Variants in AGAP1 observed in about 807,000 individuals in gnomAD.
AGAP1 encodes arf-GAP with GTPase, ANK repeat and PH domain-containing protein 1.
A neutral mutation model predicts 105.3 loss-of-function variants in AGAP1; 29 were observed. That is an observed-to-expected ratio of 0.28 (90% CI 0.21 to 0.38). The LOEUF (loss-of-function observed/expected upper bound fraction) is 0.38. Ranked by LOEUF, AGAP1 falls within the 10% of genes least tolerant of loss-of-function variation. The pLI is 1.00. For synonymous variants in AGAP1, 509 were observed against 485.9 expected (o/e 1.05, Z -0.63); for missense variants, 998 against 1,165.1 (o/e 0.86, Z 2.09).
intron 16 of AGAP1, among the ~76,000 whole-genome samples, chr2:236,064,550 C>T (rs970939332): frequency 2.0e-5 from 3 of 152,182 alleles, no homozygotes; most frequent in Admixed American, 1.3e-4. Context: ...GAGCTGAGAT[C>T]GTGCCACTGC....
At chr2:235,704,967 TTC>T (rs1559373804) in intron 1 of AGAP1, among the ~76,000 whole-genome samples, 2 of 54,510 alleles carry the variant, frequency 3.7e-5, no homozygotes, top group African/African-American at 1.1e-4. Flanking sequence ...AGATGCTTTT[TTC>T]TTTTTTTTTT....
At position 235,494,668 on chromosome 2, in the gene AGAP1, C is replaced by G. The variant is rs750610364; in HGVS notation, c.-19C>G. The G allele has an allele frequency of 6.2e-4, 757 of 1,214,934 alleles. No homozygotes were observed. Among genetic ancestry groups the G allele is most frequent in the Non-Finnish European group, 7.2e-4 (686 of 951,468 alleles). 75.3% of individuals were successfully genotyped at this position (1,214,934 alleles called of 1,614,324 possible). On this transcript the variant is annotated 5_prime_UTR_variant, in exon 1 of 18. Coordinates refer to ENST00000304032, the MANE Select transcript of AGAP1 (RefSeq NM_001037131.3). Reference sequence around the variant, plus strand: ...GGCGGCGGCGGGGGGCGCGCGGCTCCGGGCGCGGCGCCTGCACCATGAACT... The same window carrying G: ...GGCGGCGGCGGGGGGCGCGCGGCTCGGGGCGCGGCGCCTGCACCATGAACT...
At chr2:235,606,859 G>A (rs1250269509) in intron 1 of AGAP1, among the ~76,000 whole-genome samples, 1 of 151,462 alleles carries the variant, frequency 6.6e-6, no homozygotes, top group Admixed American at 6.6e-5. Context: ...TGAGGCAGGG[G>A]GATCGCTTGA....
At chr2:235,590,362 C>T (rs1416348168) in intron 1 of AGAP1, among the ~76,000 whole-genome samples, 1 of 152,134 alleles carries the variant, frequency 6.6e-6, no homozygotes, top group African/African-American at 2.4e-5. Context: ...TGCCAGATGC[C>T]AAGTTGACCA....
At chr2:235,682,341 T>G (rs1266307027) in intron 1 of AGAP1, among the ~76,000 whole-genome samples, 2 of 151,630 alleles carry the variant, frequency 1.3e-5, no homozygotes, top group African/African-American at 4.8e-5. Context: ...GTGGGGGTTT[T>G]GTTTTGTTTT....
chr2:235,677,562 C>T (rs757605704), intron 1 of AGAP1, among the ~76,000 whole-genome samples: 2 of 152,048 alleles, frequency 1.3e-5, no homozygotes, highest in Non-Finnish European at 1.5e-5. Flanking sequence ...CGTTGTGTGC[C>T]GGGTGTTGTG....
At position 235,872,555 on chromosome 2, in the gene AGAP1, C is replaced by CT. The variant is rs555794136; in HGVS notation, c.1051-10789dup. 9.2e-5 allele frequency among the ~76,000 whole-genome samples: 14 copies of CT among 152,312 alleles called. No homozygotes were observed. In the East Asian group the frequency reaches 2.7e-3, roughly 29 times the overall value. On this transcript the variant is annotated intron_variant, in intron 9 of 17. Coordinates refer to ENST00000304032, the MANE Select transcript of AGAP1 (RefSeq NM_001037131.3). This position sits in a 1 kb window ranked among gnomAD's most constrained non-coding sequence, Gnocchi z 4.5. ...CATCTCAGGCAGAGCCTTCCGGCCTCTGTCATCTTCTGGCCAGTAGGATCA... is the reference window on the plus strand; with the variant it reads ...CATCTCAGGCAGAGCCTTCCGGCCTCTTGTCATCTTCTGGCCAGTAGGATCA...
intron 12 of AGAP1, among the ~76,000 whole-genome samples, chr2:235,941,222 A>G (rs1372817158): frequency 6.6e-6 from 1 of 152,154 alleles, no homozygotes; most frequent in Non-Finnish European, 1.5e-5. Context: ...TAGAGTTGAA[A>G]CTGGTTTTCC....
rs1235754911 is a variant in AGAP1 at position 235,867,430 on chromosome 2, G to T, written c.1051-15915G>T. Among the ~76,000 whole-genome samples the T allele has an allele frequency of 2.0e-5, 3 of 152,152 alleles. No homozygotes were observed. Among genetic ancestry groups the T allele is most frequent in the African/African-American group, 7.2e-5 (3 of 41,444 alleles). On this transcript the variant is annotated intron_variant, in intron 9 of 17. Transcript: ENST00000304032. The surrounding 1 kb of genome is among the most constrained non-coding windows in gnomAD (Gnocchi z 5.4). ...GAGCTTGCCGGCCCCAGTCCCGTAG[G>T]ATCCCCAACGCTAATAGTCTGGATG...
Position 235,772,774 on chromosome 2 carries a change from C to A in AGAP1, c.673+22286C>A, listed in dbSNP as rs113836723. ...TGACCAGCCTTCACATGGAACCAGC[C>A]GCGAGTAGACAGGCAGAGGCCGCCC... On this transcript the variant is annotated intron_variant, in intron 6 of 17. Coordinates refer to ENST00000304032, the MANE Select transcript of AGAP1 (RefSeq NM_001037131.3). 2.3e-3 allele frequency among the ~76,000 whole-genome samples: 354 copies of A among 152,304 alleles called. 1 individual carries two copies. Among genetic ancestry groups the A allele is most frequent in the African/African-American group, 8.1e-3 (335 of 41,568 alleles).
intron 11 of AGAP1, among the ~76,000 whole-genome samples, chr2:235,925,173 C>T (rs957353410): frequency 1.3e-5 from 2 of 152,240 alleles, no homozygotes; most frequent in Non-Finnish European, 2.9e-5. Context: ...TGTATTTGCG[C>T]GTGACTTGAG....
Position 235,830,848 on chromosome 2 carries a change from G to A in AGAP1, c.1050+23517G>A, listed in dbSNP as rs964033398. On this transcript the variant is annotated intron_variant, in intron 9 of 17. Coordinates refer to ENST00000304032, the MANE Select transcript of AGAP1 (RefSeq NM_001037131.3). The surrounding 1 kb of genome is among the most constrained non-coding windows in gnomAD (Gnocchi z 5.5). ...TCAGGTCCACCTGTCGGTAGGCCCA[G>A]TAGTCAACTCCTAACTAATAGAGTA... 6.6e-6 allele frequency among the ~76,000 whole-genome samples: 1 copy of A among 152,194 alleles called. No individual in the cohort carries two copies. Among genetic ancestry groups the A allele is most frequent in the African/African-American group, 2.4e-5 (1 of 41,432 alleles).
chr2:235,799,091 C>G lies in AGAP1; in HGVS notation c.802-276C>G, dbSNP rs1004411776. 1.1e-4 allele frequency among the ~76,000 whole-genome samples: 16 copies of G among 152,194 alleles called. No homozygotes were observed. Among genetic ancestry groups the G allele is most frequent in the South Asian group, 2.1e-4 (1 of 4,814 alleles). Reference sequence around the variant, plus strand: ...GAAAGAGAAAATAATCAAATTTGAACTCTCAGAAATCTTTTAAGTTAAATG... The same window carrying G: ...GAAAGAGAAAATAATCAAATTTGAAGTCTCAGAAATCTTTTAAGTTAAATG... On this transcript the variant is annotated intron_variant, in intron 7 of 17. Transcript: ENST00000304032. The surrounding 1 kb of genome is among the most constrained non-coding windows in gnomAD (Gnocchi z 5.0).
At position 235,665,617 on chromosome 2, in the gene AGAP1, A is replaced by G. The variant is rs1948102042; in HGVS notation, c.164-43562A>G. Among the ~76,000 whole-genome samples the G allele has an allele frequency of 6.6e-6, 1 of 152,210 alleles. No homozygotes were observed. The highest frequency in any genetic ancestry group is 1.5e-5 in the Non-Finnish European group (1 of 68,040). On this transcript the variant is annotated intron_variant, in intron 1 of 17. Transcript: ENST00000304032. The surrounding 1 kb of genome is among the most constrained non-coding windows in gnomAD (Gnocchi z 5.3). The stretch of plus-strand genomic sequence containing the variant: ...TTATGCTAAAAATATAAAAGTATTA[A>G]TAAGACGTTACTGTCTTGGTAATTG...
chr2:235,996,252 C>T (rs548822822), intron 13 of AGAP1, among the ~76,000 whole-genome samples: 4 of 152,336 alleles, frequency 2.6e-5, no homozygotes, highest in Non-Finnish European at 4.4e-5. Context: ...GCAGGGCACC[C>T]GCTTGACACC....
At chr2:235,619,600 G>T (rs868769318) in intron 1 of AGAP1, among the ~76,000 whole-genome samples, 1 of 152,160 alleles carries the variant, frequency 6.6e-6, no homozygotes, top group Admixed American at 6.5e-5. Flanking sequence ...CTAGAGTGCA[G>T]TCTCTGGCCT....
At chr2:235,880,384 G>A (rs2049956950) in intron 9 of AGAP1, among the ~76,000 whole-genome samples, 1 of 152,020 alleles carries the variant, frequency 6.6e-6, no homozygotes, top group Admixed American at 6.6e-5. Flanking sequence ...ATGAAGCCTG[G>A]AGCATCTGTA....
chr2:235,623,732 T>G lies in AGAP1; in HGVS notation c.164-85447T>G, dbSNP rs1035480776. Among the ~76,000 whole-genome samples the G allele has an allele frequency of 6.6e-6, 1 of 152,240 alleles. No homozygotes were observed. The highest frequency in any genetic ancestry group is 2.4e-5 in the African/African-American group (1 of 41,462). The stretch of plus-strand genomic sequence containing the variant: ...ACATTTTCTCAGAATGAATGATACA[T>G]CTCTGCTTTCAGCCTCCCTAAGCCA... On this transcript the variant is annotated intron_variant, in intron 1 of 17. Transcript: ENST00000304032. This position sits in a 1 kb window ranked among gnomAD's most constrained non-coding sequence, Gnocchi z 4.5.
At position 235,890,711 on chromosome 2, in the gene AGAP1, G is replaced by A. The variant is rs367913588; in HGVS notation, c.1155+7262G>A. On this transcript the variant is annotated intron_variant, in intron 10 of 17. Coordinates refer to ENST00000304032, the MANE Select transcript of AGAP1 (RefSeq NM_001037131.3). ...GTGGGTGTGTTTGAAGGTAGACATT[G>A]GGAAACTGGCTGGAAGGTGTCCGTT... 7.2e-5 allele frequency among the ~76,000 whole-genome samples: 11 copies of A among 152,282 alleles called. No homozygotes were observed. The East Asian group carries it at 2.1e-3, about 29-fold the overall frequency.
Sources: gnomAD v4.1 joint callset for allele counts (sites outside exome capture counted in the v4.1 genomes callset) on GRCh38, gnomAD v4.1.1 for gene constraint, Gnocchi (gnomAD v3.1) non-coding constraint, MANE v1.5 for transcripts, NCBI Gene and HGNC (gene_info 2026-07-23, HGNC 2026-07-21) for gene names.